Variants in ANKRD12 observed in about 807,000 individuals in gnomAD.
ANKRD12 encodes the protein ankyrin repeat domain 12.
In ANKRD12, 85 loss-of-function variants were observed where a neutral mutation model predicts 183.4. The ratio of observed to expected loss-of-function variants is 0.46; its 90% CI spans 0.39 to 0.56. The LOEUF is 0.56. ANKRD12 is among the 20% of genes least tolerant of loss of function. ANKRD12 has a pLI of 0.00. For missense variants in ANKRD12, 2,405 were observed against 2,357.1 expected (o/e 1.02, Z -0.42); for synonymous variants, 914 against 800.2 (o/e 1.14, Z -2.40).
chr18:9,205,076 GT>G (rs1567913221), intron 4 of ANKRD12, among the ~76,000 whole-genome samples: 1 of 152,038 alleles, frequency 6.6e-6, no homozygotes, highest in Non-Finnish European at 1.5e-5. Flanking sequence ...AAAATACCAG[GT>G]TACCTAGAGA....
chr18:9,211,901 C>A, intron 6 of ANKRD12, 117 bp downstream of exon 6: 1 of 883,460 alleles, frequency 1.1e-6, no homozygotes, highest in South Asian at 1.9e-5. Context: ...TCTAAAAATA[C>A]TCTTTATTAC....
chr18:9,224,339 G>C (rs765148247), intron 8 of ANKRD12, among the ~76,000 whole-genome samples: 6 of 152,070 alleles, frequency 3.9e-5, no homozygotes, highest in Non-Finnish European at 8.8e-5. Flanking sequence ...GAGAGGGGTA[G>C]GTGCAGGCAC....
At chr18:9,215,632 G>A (rs909914941) in intron 6 of ANKRD12, among the ~76,000 whole-genome samples, 26 of 152,062 alleles carry the variant, frequency 1.7e-4, no homozygotes, top group African/African-American at 3.9e-4. Flanking sequence ...AGAGAACTCC[G>A]ATAGAATGTC....
chr18:9,277,184 G>A (rs2039881183), intron 11 of ANKRD12, among the ~76,000 whole-genome samples: 1 of 152,114 alleles, frequency 6.6e-6, no homozygotes, highest in African/African-American at 2.4e-5. Context: ...GCCTGGCATG[G>A]TGGCACATGC....
chr18:9,172,771 G>T (rs1182317977), intron 1 of ANKRD12, among the ~76,000 whole-genome samples: 1 of 152,142 alleles, frequency 6.6e-6, no homozygotes, highest in Non-Finnish European at 1.5e-5. Context: ...CTGAAGAGGT[G>T]TTGTGGTAAT....
At chr18:9,240,519 C>G (rs983776045) in intron 8 of ANKRD12, among the ~76,000 whole-genome samples, 5 of 152,204 alleles carry the variant, frequency 3.3e-5, no homozygotes, top group African/African-American at 1.2e-4. Flanking sequence ...CGCATACTTA[C>G]TGACACTCAT....
Position 9,180,992 on chromosome 18 carries a change from T to C in ANKRD12, c.-51-1390T>C, listed in dbSNP as rs1381261827. Among the ~76,000 whole-genome samples the C allele has an allele frequency of 2.0e-5, 3 of 152,208 alleles. No individual in the cohort carries two copies. The East Asian group carries it at 5.8e-4, about 29-fold the overall frequency. On this transcript the variant is annotated intron_variant, in intron 1 of 12. Transcript: ENST00000262126. ...TTTTTGTTTTTATGTGGCTCATAAC[T>C]TTAACTCCATAAGCTTTACCAGTGG...
intron 11 of ANKRD12, among the ~76,000 whole-genome samples, chr18:9,279,174 C>T (rs1598793758): frequency 6.6e-6 from 1 of 152,172 alleles, no homozygotes; most frequent in African/African-American, 2.4e-5. Flanking sequence ...CTCTCTCCCA[C>T]CTGGATACTT....
chr18:9,243,331 C>T (rs2037766329), intron 8 of ANKRD12, among the ~76,000 whole-genome samples: 1 of 152,180 alleles, frequency 6.6e-6, no homozygotes, highest in African/African-American at 2.4e-5. Context: ...CCAGCCTCAG[C>T]TGAGATCACT....
chr18:9,177,892 A>G (rs572811431), intron 1 of ANKRD12, among the ~76,000 whole-genome samples: 4 of 152,226 alleles, frequency 2.6e-5, no homozygotes, highest in South Asian at 2.1e-4. Context: ...TTTGCCATTC[A>G]TTATATGTTA....
intron 10 of ANKRD12, among the ~76,000 whole-genome samples, chr18:9,270,096 TAA>T (rs2039513651): frequency 1.3e-5 from 2 of 152,168 alleles, no homozygotes; most frequent in South Asian, 2.1e-4. Context: ...TGGCGATCAT[TAA>T]AAAGTCAGGA....
chr18:9,193,184 C>A (rs1567899827), intron 2 of ANKRD12, among the ~76,000 whole-genome samples: 1 of 149,376 alleles, frequency 6.7e-6, no homozygotes, highest in Non-Finnish European at 1.5e-5. Context: ...GTTGTCCAGC[C>A]TGGAGCACAG....
At chr18:9,252,111 G>A (rs1217437344) in intron 8 of ANKRD12, among the ~76,000 whole-genome samples, 1 of 152,210 alleles carries the variant, frequency 6.6e-6, no homozygotes, top group East Asian at 1.9e-4. Flanking sequence ...CAGATTTTAG[G>A]TGATTTTCTC....
At chr18:9,238,821 A>G (rs940896352) in intron 8 of ANKRD12, among the ~76,000 whole-genome samples, 3 of 151,748 alleles carry the variant, frequency 2.0e-5, no homozygotes, top group African/African-American at 7.3e-5. Context: ...CTTCGGTGAG[A>G]AAGAGAGTAA....
At position 9,176,880 on chromosome 18, in the gene ANKRD12, A is replaced by G. The variant is rs371789718; in HGVS notation, c.-51-5502A>G. 2.2e-4 allele frequency among the ~76,000 whole-genome samples: 33 copies of G among 152,330 alleles called. No homozygotes were observed. In the South Asian group the frequency reaches 4.6e-3, roughly 21 times the overall value. Reference sequence around the variant, plus strand: ...TACTGGGTTATTTTGTTTTAGAAGAAGATATATTTTACTGCTGTAAATTAG... The same window carrying G: ...TACTGGGTTATTTTGTTTTAGAAGAGGATATATTTTACTGCTGTAAATTAG... On this transcript the variant is annotated intron_variant, in intron 1 of 12. Transcript: ENST00000262126.
Position 9,258,819 on chromosome 18 carries a change from A to C in ANKRD12, c.5552A>C (p.Lys1851Thr). The C allele has an allele frequency of 6.2e-7, 1 of 1,613,950 alleles. No homozygotes were observed. The highest frequency in any genetic ancestry group is 1.3e-5 in the African/African-American group (1 of 75,002). ...AGGAAAAAAATAGAAGAAAAACGCAAATTACTGTGTAGTGTGATTCCTCAA... is the reference window on the plus strand; with the variant it reads ...AGGAAAAAAATAGAAGAAAAACGCACATTACTGTGTAGTGTGATTCCTCAA... ...HIRKKIEEKR[K>T]LLCSVIPQAP... is the part of the protein sequence containing the mutation. Residue 1851 changes from lysine to threonine, a missense_variant, in exon 9 of 13, where the codon AAA becomes ACA. Lys to Thr is a moderately conservative substitution (Grantham distance 78). Transcript: ENST00000262126.
intron 8 of ANKRD12, among the ~76,000 whole-genome samples, chr18:9,238,482 T>C (rs751833091): frequency 2.6e-5 from 4 of 152,208 alleles, no homozygotes; most frequent in Non-Finnish European, 5.9e-5. Context: ...ATTACACTCC[T>C]CTTCGTGTTC....
intron 1 of ANKRD12, among the ~76,000 whole-genome samples, chr18:9,144,505 G>A (rs2078427583): frequency 6.6e-6 from 1 of 152,110 alleles, no homozygotes; most frequent in South Asian, 2.1e-4. Flanking sequence ...TCAGATGTTA[G>A]GGTGGGAGTA....
Position 9,285,292 on chromosome 18 carries a change from G to A in ANKRD12, c.*4166G>A, listed in dbSNP as rs1379759709. On this transcript the variant is annotated 3_prime_UTR_variant, in exon 13 of 13. Transcript: ENST00000262126. Reference sequence around the variant, plus strand: ...CTAAAAATACAAAAATTAGCCAAGCGTGACGGTGCCTGCCTGTAGTCCTAG... The same window carrying A: ...CTAAAAATACAAAAATTAGCCAAGCATGACGGTGCCTGCCTGTAGTCCTAG... 2.0e-5 allele frequency: 3 copies of A among 151,282 alleles called. No individual in the cohort carries two copies. The highest frequency in any genetic ancestry group is 2.0e-4 in the Admixed American group (3 of 15,180). 9.4% of individuals were successfully genotyped at this position (151,282 alleles called of 1,614,324 possible).
Sources: gnomAD v4.1 joint callset for allele counts (sites outside exome capture counted in the v4.1 genomes callset) on GRCh38, gnomAD v4.1.1 for gene constraint, MANE v1.5 for transcripts, NCBI Gene and HGNC (gene_info 2026-07-23, HGNC 2026-07-21) for gene names.